The following CLSTN2 variants were observed in gnomAD, a reference collection of about 807,000 sequenced individuals.
CLSTN2 encodes the protein calsyntenin-2.
A neutral mutation model predicts 101.2 loss-of-function variants in CLSTN2; 48 were observed. The ratio of observed to expected loss-of-function variants is 0.47; its 90% CI spans 0.38 to 0.60. The LOEUF (loss-of-function observed/expected upper bound fraction) is 0.60. CLSTN2 is among the 20% of genes least tolerant of loss of function. The pLI, the probability that CLSTN2 is intolerant of heterozygous loss-of-function variation, is 0.00. For synonymous variants in CLSTN2, 481 were observed against 463.6 expected, an observed-to-expected ratio of 1.04 and a Z score of -0.48; for missense variants, 1,160 against 1,238.2, an observed-to-expected ratio of 0.94 and a Z score of 0.95.
intron 2 of CLSTN2, among the ~76,000 whole-genome samples, chr3:140,317,018 T>A (rs1406157999): frequency 6.6e-6 from 1 of 152,116 alleles, no homozygotes; most frequent in East Asian, 1.9e-4. Flanking sequence ...ATTAAGAAAA[T>A]TCATTCGTGG....
At chr3:140,036,762 G>A (rs187547996) in intron 1 of CLSTN2, among the ~76,000 whole-genome samples, 15 of 151,260 alleles carry the variant, frequency 9.9e-5, no homozygotes, top group Admixed American at 8.0e-4. Context: ...TAGAATGCAA[G>A]GCATCTGTTA....
chr3:140,413,376 T>C (rs1047965597), intron 4 of CLSTN2, among the ~76,000 whole-genome samples: 1 of 152,120 alleles, frequency 6.6e-6, no homozygotes, highest in Non-Finnish European at 1.5e-5. Flanking sequence ...AGACCAATAA[T>C]GAGTAGGAAG....
chr3:140,285,470 C>A (rs2086887606), intron 2 of CLSTN2, among the ~76,000 whole-genome samples: 3 of 152,090 alleles, frequency 2.0e-5, no homozygotes, highest in Non-Finnish European at 4.4e-5. Context: ...ATCAGAGAAG[C>A]AGTTGCAAAG....
chr3:140,058,604 A>G (rs1030134481), intron 1 of CLSTN2, among the ~76,000 whole-genome samples: 1 of 152,146 alleles, frequency 6.6e-6, no homozygotes, highest in African/African-American at 2.4e-5. Context: ...AACTTTTGTC[A>G]TCTATTCAAA....
intron 2 of CLSTN2, among the ~76,000 whole-genome samples, chr3:140,343,359 G>A (rs1559844123): frequency 6.6e-6 from 1 of 152,154 alleles, no homozygotes; most frequent in Non-Finnish European, 1.5e-5. Context: ...CCTAATAATA[G>A]CTAACTCTAC....
chr3:140,497,786 C>T lies in CLSTN2; in HGVS notation c.1344+31055C>T, dbSNP rs567249898. On this transcript the variant is annotated intron_variant, in intron 8 of 16. Transcript: ENST00000458420. ...GTGACTGCTCTGCCAAGACTCCACA[C>T]AGTTCTGTGTATCAGACCCAAGACC... Among the ~76,000 whole-genome samples, 5 of 152,324 alleles carry T rather than the reference C, an allele frequency of 3.3e-5. No homozygotes were observed. The East Asian group carries it at 9.7e-4, about 29-fold the overall frequency.
At chr3:140,337,316 C>T (rs903976950) in intron 2 of CLSTN2, among the ~76,000 whole-genome samples, 7 of 152,134 alleles carry the variant, frequency 4.6e-5, no homozygotes, top group Non-Finnish European at 1.0e-4. Flanking sequence ...TGTTCCAGGC[C>T]TCTCCCTTAG....
intron 2 of CLSTN2, among the ~76,000 whole-genome samples, chr3:140,212,641 C>T (rs144191583): frequency 6.6e-6 from 1 of 152,210 alleles, no homozygotes; most frequent in African/African-American, 2.4e-5. Flanking sequence ...CCTTTATTGT[C>T]TGTATCCTCC....
chr3:140,383,502 C>A (rs769128168), intron 2 of CLSTN2, among the ~76,000 whole-genome samples: 5 of 152,124 alleles, frequency 3.3e-5, no homozygotes, highest in African/African-American at 4.8e-5. Context: ...ATGCAGACTC[C>A]CCAATCAATA....
intron 1 of CLSTN2, among the ~76,000 whole-genome samples, chr3:140,099,296 G>A (rs549344622): frequency 6.6e-6 from 1 of 152,042 alleles, no homozygotes; most frequent in Admixed American, 6.5e-5. Flanking sequence ...TCCCCGGAAG[G>A]CTCTAGGGGA....
rs139948625 is a variant in CLSTN2, at chr3:139,985,621, A to T, written c.109+50138A>T. On this transcript the variant is annotated intron_variant, in intron 1 of 16. Coordinates refer to ENST00000458420, the MANE Select transcript of CLSTN2 (RefSeq NM_022131.3). ...CCTAAAGATAGAATCCATTGCTCTC[A>T]TCAGTTCTCAAAGAGAACTGTAGCT... Among the ~76,000 whole-genome samples the T allele has an allele frequency of 4.4e-4, 67 of 152,328 alleles. No individual in the cohort carries two copies. The East Asian group carries it at 0.012, about 27-fold the overall frequency.
At chr3:140,390,805 C>T (rs1229451198) in intron 2 of CLSTN2, among the ~76,000 whole-genome samples, 1 of 152,218 alleles carries the variant, frequency 6.6e-6, no homozygotes, top group Non-Finnish European at 1.5e-5. Flanking sequence ...GGGGTGACCT[C>T]TGTTGTCTTT....
At chr3:140,277,041 G>A (rs1227409835) in intron 2 of CLSTN2, among the ~76,000 whole-genome samples, 3 of 152,126 alleles carry the variant, frequency 2.0e-5, no homozygotes, top group Admixed American at 1.3e-4. Context: ...TAGTCTGAGG[G>A]GGCTCATGCC....
At chr3:139,999,307 T>A (rs1489509996) in intron 1 of CLSTN2, among the ~76,000 whole-genome samples, 1 of 152,160 alleles carries the variant, frequency 6.6e-6, no homozygotes, top group Non-Finnish European at 1.5e-5. Context: ...CATGTTTATG[T>A]CCATGTGTGC....
intron 5 of CLSTN2, among the ~76,000 whole-genome samples, chr3:140,422,089 C>T (rs1182018038): frequency 6.6e-6 from 1 of 152,162 alleles, no homozygotes; most frequent in African/African-American, 2.4e-5. Context: ...CTATTGCTTA[C>T]TCATAACTCA....
chr3:140,034,618 C>G (rs554326677), intron 1 of CLSTN2, among the ~76,000 whole-genome samples: 1 of 152,306 alleles, frequency 6.6e-6, no homozygotes, highest in East Asian at 1.9e-4. Flanking sequence ...TCTCTTTTGC[C>G]AGAGCATCTT....
chr3:140,270,863 C>T (rs1290643619), intron 2 of CLSTN2, among the ~76,000 whole-genome samples: 1 of 152,082 alleles, frequency 6.6e-6, no homozygotes, highest in Non-Finnish European at 1.5e-5. Context: ...AGTCTGTGGC[C>T]CCAAGGGAAG....
chr3:140,181,715 C>T (rs1025380879), intron 2 of CLSTN2, among the ~76,000 whole-genome samples: 1 of 152,106 alleles, frequency 6.6e-6, no homozygotes, highest in African/African-American at 2.4e-5. Flanking sequence ...TTATTACACA[C>T]ACACACACAC....
chr3:140,457,101 A>C (rs546616184), intron 6 of CLSTN2, among the ~76,000 whole-genome samples: 1 of 152,234 alleles, frequency 6.6e-6, no homozygotes, highest in African/African-American at 2.4e-5. Context: ...GTGGAGTTTC[A>C]AGCCCTGCTA....
Sources: gnomAD v4.1 joint callset for allele counts (sites outside exome capture counted in the v4.1 genomes callset) on GRCh38, gnomAD v4.1.1 for gene constraint, MANE v1.5 for transcripts, NCBI Gene and HGNC (gene_info 2026-07-23, HGNC 2026-07-21) for gene names.